The following NAT2 variants were observed in gnomAD, a reference collection of about 807,000 sequenced individuals.
The protein encoded by NAT2 is N-acetyltransferase 2, also known as arylamine N-acetyltransferase 2.
For synonymous variants in NAT2, 137 were observed against 125.9 expected (o/e 1.09, Z -0.59); for missense variants, 428 against 339.1 (o/e 1.26, Z -2.06).
intron 1 of NAT2, among the ~76,000 whole-genome samples, chr8:18,395,951 C>CTT (rs33992151): frequency 0.061 from 8,205 of 134,394 alleles, 796 homozygotes; most frequent in African/African-American, 0.2. Context: ...CCCAACCCAT[C>CTT]TTTTTTTTTT....
chr8:18,389,896 T>C (rs1326826420), upstream of NAT2, among the ~76,000 whole-genome samples: 1 of 152,222 alleles, frequency 6.6e-6, no homozygotes, highest in Non-Finnish European at 1.5e-5. Flanking sequence ...CAGTGGCTTA[T>C]TTTGATTTAG....
At chr8:18,391,725 G>C (rs1800594934) in intron 1 of NAT2, among the ~76,000 whole-genome samples, 1 of 152,150 alleles carries the variant, frequency 6.6e-6, no homozygotes, top group Non-Finnish European at 1.5e-5. Context: ...GACACATATT[G>C]AAATGGTCTT....
chr8:18,389,085 C>T (rs148410432), upstream of NAT2, among the ~76,000 whole-genome samples: 88 of 152,304 alleles, frequency 5.8e-4, no homozygotes, highest in Non-Finnish European at 1.1e-3. Context: ...TTTCCCATGA[C>T]GGTTCTTGCT....
At chr8:18,389,955 G>A (rs184031071), upstream of NAT2, among the ~76,000 whole-genome samples, 1 of 152,302 alleles carries the variant, frequency 6.6e-6, no homozygotes, top group East Asian at 1.9e-4. Flanking sequence ...GTGAACCCAA[G>A]ACACCTTGAG....
chr8:18,400,826 T>G lies in NAT2; in HGVS notation c.823T>G (p.Leu275Val). 3 of 1,608,696 alleles carry G rather than the reference T, an allele frequency of 1.9e-6. No individual in the cohort carries two copies. Among genetic ancestry groups the G allele is most frequent in the Non-Finnish European group, 2.5e-6 (3 of 1,178,534 alleles). ...GCTGAGAAATATATTTAAGATTTCCTTGGGGAGAAATCTCGTGCCCAAACC... is the reference window on the plus strand; with the variant it reads ...GCTGAGAAATATATTTAAGATTTCCGTGGGGAGAAATCTCGTGCCCAAACC... Reference protein sequence around the residue: ...EVLRNIFKISLGRNLVPKPGD... With the variant: ...EVLRNIFKISVGRNLVPKPGD... Residue 275 changes from leucine (L) to valine (V), a missense_variant, in exon 2 of 2, where the codon TTG (leucine) becomes GTG (valine). By Grantham distance (32) the Leu-to-Val change is conservative. Coordinates refer to ENST00000286479, the MANE Select transcript of NAT2 (RefSeq NM_000015.3).
At chr8:18,387,881 G>C (rs1800531142), upstream of NAT2, 2 of 152,664 alleles carry the variant, frequency 1.3e-5, no homozygotes, top group East Asian at 3.8e-4. Context: ...TTTCGAAAGT[G>C]CTTCTCAGCA....
At chr8:18,393,439 C>G (rs752725148) in intron 1 of NAT2, among the ~76,000 whole-genome samples, 2 of 151,922 alleles carry the variant, frequency 1.3e-5, no homozygotes, top group African/African-American at 2.4e-5. Flanking sequence ...AATCAGATTT[C>G]TAGTAGGAGG....
chr8:18,386,614 A>G (rs1400474665), upstream of NAT2, among the ~76,000 whole-genome samples: 1 of 152,050 alleles, frequency 6.6e-6, no homozygotes, highest in Non-Finnish European at 1.5e-5. Context: ...TGAGTTTTGG[A>G]CTAAGGCGGA....
intron 1 of NAT2, 38 bp from the exon 2 acceptor site, chr8:18,399,960 A>C: frequency 2.0e-6 from 3 of 1,518,264 alleles, no homozygotes; most frequent in Non-Finnish European, 2.6e-6. Flanking sequence ...CAAATGCTAA[A>C]GTATGATATG....
chr8:18,397,760 TC>T (rs1800718279), intron 1 of NAT2, among the ~76,000 whole-genome samples: 1 of 152,138 alleles, frequency 6.6e-6, no homozygotes, highest in Non-Finnish European at 1.5e-5. Context: ...TTCTCAGATA[TC>T]TCAGAAGTTC....
chr8:18,389,163 A>G (rs1182598874), upstream of NAT2, among the ~76,000 whole-genome samples: 1 of 152,230 alleles, frequency 6.6e-6, no homozygotes, highest in Admixed American at 6.5e-5. Context: ...CACATGTGCC[A>G]ATCTGGATTG....
chr8:18,393,372 G>T (rs558010265), intron 1 of NAT2, among the ~76,000 whole-genome samples: 3 of 151,918 alleles, frequency 2.0e-5, no homozygotes, highest in Non-Finnish European at 4.4e-5. Context: ...AAATATCTAC[G>T]TCCCATTCCA....
At chr8:18,394,952 C>T (rs1800659397) in intron 1 of NAT2, among the ~76,000 whole-genome samples, 1 of 151,864 alleles carries the variant, frequency 6.6e-6, no homozygotes, top group Admixed American at 6.6e-5. Context: ...ATTTTGCTCA[C>T]AAGAGTATAC....
upstream of NAT2, among the ~76,000 whole-genome samples, chr8:18,386,329 T>C (rs1009489323): frequency 4.6e-5 from 7 of 152,320 alleles, no homozygotes; most frequent in African/African-American, 1.7e-4. Context: ...GCCCCACAAC[T>C]GGAGCCAGCA....
chr8:18,392,048 C>T (rs1311681231), intron 1 of NAT2, among the ~76,000 whole-genome samples: 1 of 152,210 alleles, frequency 6.6e-6, no homozygotes, highest in African/African-American at 2.4e-5. Context: ...GTCTGATTTT[C>T]AGGCAGAGCC....
intron 1 of NAT2, among the ~76,000 whole-genome samples, chr8:18,395,731 C>T (rs557057700): frequency 1.3e-4 from 20 of 152,154 alleles, no homozygotes; most frequent in Non-Finnish European, 2.4e-4. Context: ...ATTTGGGTTA[C>T]GGGTATTTAG....
chr8:18,387,557 G>A, upstream of NAT2: 1 of 153,528 alleles, frequency 6.5e-6, no homozygotes, highest in Non-Finnish European at 1.5e-5. Context: ...AGCCCCGACG[G>A]CTCCTGCGGC....
upstream of NAT2, among the ~76,000 whole-genome samples, chr8:18,389,889 T>G (rs745829290): frequency 2.0e-5 from 3 of 152,230 alleles, no homozygotes; most frequent in Non-Finnish European, 2.9e-5. Flanking sequence ...TGTATTCCAG[T>G]GGCTTATTTT....
upstream of NAT2, among the ~76,000 whole-genome samples, chr8:18,389,357 T>C (rs970817183): frequency 6.6e-6 from 1 of 152,358 alleles, no homozygotes; most frequent in Admixed American, 6.5e-5. Context: ...AAGATCTGAA[T>C]TTTAATCCAT....
Sources: allele counts gnomAD v4.1 joint callset (sites outside exome capture counted in the v4.1 genomes callset), GRCh38; gene constraint gnomAD v4.1.1; transcripts MANE v1.5; gene names NCBI Gene and HGNC (gene_info 2026-07-23, HGNC 2026-07-21).